ADAMTSL1: variants seen among roughly 807,000 people sequenced by gnomAD.
The protein encoded by ADAMTSL1 is ADAMTS-like protein 1.
In ADAMTSL1, 126 loss-of-function variants were observed where a neutral mutation model predicts 201.8. The observed-to-expected ratio is 0.62, with a 90% confidence interval of 0.54 to 0.72. ADAMTSL1 has a LOEUF of 0.72. ADAMTSL1 is among the 30% of genes least tolerant of loss of function. The probability of loss-of-function intolerance (pLI) is 0.00; values close to 1 mark genes in which losing one functional copy is unlikely to be tolerated. For missense variants in ADAMTSL1, 2,679 were observed against 2,277.8 expected, an observed-to-expected ratio of 1.18 and a Z score of -3.59; for synonymous variants, 1,121 against 903.4, an observed-to-expected ratio of 1.24 and a Z score of -4.32.
At chr9:18,886,285 G>A (rs1333702259) in intron 23 of ADAMTSL1, among the ~76,000 whole-genome samples, 1 of 149,034 alleles carries the variant, frequency 6.7e-6, no homozygotes, top group East Asian at 2.0e-4. Context: ...GGACATGGTG[G>A]TGCACACCTG....
chr9:18,190,711 T>G (rs757007417), intron 2 of ADAMTSL1, among the ~76,000 whole-genome samples: 10 of 152,214 alleles, frequency 6.6e-5, no homozygotes, highest in Non-Finnish European at 1.3e-4. Flanking sequence ...TTATTGCATA[T>G]TAATTTTTAA....
intron 23 of ADAMTSL1, among the ~76,000 whole-genome samples, chr9:18,845,000 C>G (rs1015934123): frequency 9.9e-5 from 15 of 152,240 alleles, no homozygotes; most frequent in African/African-American, 3.1e-4. Flanking sequence ...CCGAGTGAGG[C>G]AATGCCTCGC....
At chr9:18,100,072 T>C (rs1178548919) in intron 1 of ADAMTSL1, among the ~76,000 whole-genome samples, 1 of 152,176 alleles carries the variant, frequency 6.6e-6, no homozygotes, top group Non-Finnish European at 1.5e-5. Flanking sequence ...GGAATTAATA[T>C]AATTTATGTA....
intron 2 of ADAMTSL1, among the ~76,000 whole-genome samples, chr9:18,202,023 T>G (rs1829469711): frequency 1.3e-5 from 2 of 152,264 alleles, no homozygotes; most frequent in Admixed American, 1.3e-4. Flanking sequence ...TTCAATATGA[T>G]TTGCTGTTAC....
intron 2 of ADAMTSL1, among the ~76,000 whole-genome samples, chr9:18,367,762 G>C (rs118123046): frequency 6.6e-6 from 1 of 152,040 alleles, no homozygotes; most frequent in Non-Finnish European, 1.5e-5. Context: ...CACATTTATC[G>C]GCACAGAGTT....
chr9:18,627,272 G>A (rs1367888477), intron 5 of ADAMTSL1, among the ~76,000 whole-genome samples: 2 of 152,160 alleles, frequency 1.3e-5, no homozygotes, highest in African/African-American at 4.8e-5. Flanking sequence ...GTGAGCCACG[G>A]CACCTGGCCA....
chr9:18,889,480 C>T, intron 24 of ADAMTSL1, 88 bp from the exon 25 acceptor site: 5 of 1,420,668 alleles, frequency 3.5e-6, no homozygotes, highest in East Asian at 2.5e-5. Flanking sequence ...CCACCCCTGT[C>T]ACCTTCTCCC....
intron 4 of ADAMTSL1, among the ~76,000 whole-genome samples, chr9:18,609,854 A>G (rs978365234): frequency 1.3e-5 from 2 of 152,320 alleles, no homozygotes; most frequent in Middle Eastern, 3.4e-3. Context: ...GGATCTTTTT[A>G]TATAAGCTAT....
intron 15 of ADAMTSL1, among the ~76,000 whole-genome samples, chr9:18,727,973 G>A (rs571523782): frequency 6.6e-5 from 10 of 152,062 alleles, no homozygotes; most frequent in East Asian, 1.9e-4. Flanking sequence ...CCAGCTACTC[G>A]GGACGCTGAG....
intron 2 of ADAMTSL1, among the ~76,000 whole-genome samples, chr9:18,200,495 A>G (rs1829395462): frequency 6.6e-6 from 1 of 152,104 alleles, no homozygotes; most frequent in South Asian, 2.1e-4. Context: ...AAACACAGCT[A>G]TACACAGATA....
chr9:18,472,500 C>A (rs1172502056), upstream of ADAMTSL1, among the ~76,000 whole-genome samples: 2 of 152,206 alleles, frequency 1.3e-5, no homozygotes, highest in Admixed American at 1.3e-4. Context: ...ATGACCTTGA[C>A]TTTCCTAACA....
chr9:17,952,956 T>TCC (rs1260017476), intron 1 of ADAMTSL1, among the ~76,000 whole-genome samples: 25 of 150,116 alleles, frequency 1.7e-4, no homozygotes, highest in Admixed American at 2.6e-4. Flanking sequence ...CTCCTCCTCC[T>TCC]TCTTCAGAAT....
chr9:17,957,951 G>A (rs1219043386), intron 1 of ADAMTSL1, among the ~76,000 whole-genome samples: 2 of 152,126 alleles, frequency 1.3e-5, no homozygotes, highest in Non-Finnish European at 2.9e-5. Context: ...CTCCATGACT[G>A]GGAGAGAATA....
chr9:18,403,387 T>C (rs1016069092), intron 2 of ADAMTSL1, among the ~76,000 whole-genome samples: 1 of 152,040 alleles, frequency 6.6e-6, no homozygotes, highest in African/African-American at 2.4e-5. Context: ...CTTCACCATA[T>C]TGGCCAGCCT....
intron 1 of ADAMTSL1, among the ~76,000 whole-genome samples, chr9:18,090,440 C>T (rs1823959769): frequency 1.3e-5 from 2 of 152,156 alleles, no homozygotes; most frequent in East Asian, 1.9e-4. Context: ...CTGACTCACA[C>T]TGCAACATGG....
At chr9:18,368,045 G>A (rs1217993629) in intron 2 of ADAMTSL1, among the ~76,000 whole-genome samples, 1 of 150,612 alleles carries the variant, frequency 6.6e-6, no homozygotes, top group African/African-American at 2.4e-5. Flanking sequence ...GACTACAGGC[G>A]CCCGCCACCA....
At chr9:18,063,316 T>G (rs1367295168) in intron 1 of ADAMTSL1, among the ~76,000 whole-genome samples, 1 of 152,216 alleles carries the variant, frequency 6.6e-6, no homozygotes, top group Non-Finnish European at 1.5e-5. Context: ...GCCACTGAAC[T>G]CCAGCTTGGG....
chr9:18,570,258 A>G (rs906919449), intron 3 of ADAMTSL1, among the ~76,000 whole-genome samples: 24 of 152,006 alleles, frequency 1.6e-4, no homozygotes, highest in African/African-American at 5.8e-4. Flanking sequence ...AACCCACAAA[A>G]GGATCAGGAA....
chr9:18,005,733 G>A (rs965099158), intron 1 of ADAMTSL1, among the ~76,000 whole-genome samples: 8 of 152,040 alleles, frequency 5.3e-5, no homozygotes, highest in Non-Finnish European at 8.8e-5. Context: ...ATAGGAATGT[G>A]CTAGAGGCAG....
Sources: allele counts gnomAD v4.1 joint callset (sites outside exome capture counted in the v4.1 genomes callset), GRCh38; gene constraint gnomAD v4.1.1; transcripts MANE v1.5; gene names NCBI Gene and HGNC (gene_info 2026-07-23, HGNC 2026-07-21).